Variants in SPATA16 observed in about 807,000 individuals in gnomAD.
SPATA16 encodes spermatogenesis associated 16.
SPATA16 carries 36 observed loss-of-function variants against 63.3 expected under a neutral mutation model. The observed-to-expected ratio is 0.57, with a 90% CI of 0.44 to 0.75. The LOEUF is 0.75. Ranked by LOEUF, SPATA16 falls within the 30% of genes least tolerant of loss-of-function variation. The probability of loss-of-function intolerance (pLI) is 0.00; values close to 1 mark genes in which losing one functional copy is unlikely to be tolerated. For missense variants in SPATA16, 646 were observed against 679.3 expected (o/e 0.95, Z 0.54); for synonymous variants, 203 against 216.7 (o/e 0.94, Z 0.56).
At chr3:173,079,147 T>C (rs1736872770) in intron 2 of SPATA16, among the ~76,000 whole-genome samples, 1 of 152,110 alleles carries the variant, frequency 6.6e-6, no homozygotes, top group Admixed American at 6.5e-5. Flanking sequence ...GTGTGAAATA[T>C]GTTATTGTCC....
intron 1 of SPATA16, among the ~76,000 whole-genome samples, chr3:173,124,902 T>C (rs1577187937): frequency 6.6e-6 from 1 of 152,088 alleles, no homozygotes; most frequent in Non-Finnish European, 1.5e-5. Context: ...TTTTGTCCAG[T>C]TCTATGGCTT....
At chr3:172,901,445 C>T (rs944026877) in intron 10 of SPATA16, among the ~76,000 whole-genome samples, 1 of 152,226 alleles carries the variant, frequency 6.6e-6, no homozygotes, top group African/African-American at 2.4e-5. Context: ...AGTGATCCAC[C>T]TGCCTTGGCC....
intron 2 of SPATA16, among the ~76,000 whole-genome samples, chr3:173,094,398 G>A (rs890093639): frequency 1.3e-5 from 2 of 152,182 alleles, no homozygotes; most frequent in African/African-American, 4.8e-5. Flanking sequence ...TGAGCCAAAT[G>A]TGAATTTCAA....
intron 5 of SPATA16, among the ~76,000 whole-genome samples, chr3:172,958,728 T>C (rs1733665042): frequency 6.6e-6 from 1 of 152,178 alleles, no homozygotes; most frequent in Non-Finnish European, 1.5e-5. Flanking sequence ...CTACTTGGCT[T>C]GTAGATGGCT....
At chr3:172,969,937 G>C (rs544367779) in intron 5 of SPATA16, among the ~76,000 whole-genome samples, 2 of 152,182 alleles carry the variant, frequency 1.3e-5, no homozygotes, top group Non-Finnish European at 2.9e-5. Context: ...ATTGGACAAA[G>C]GAGAGCGAAA....
chr3:173,115,366 A>C (rs906577818), intron 2 of SPATA16, among the ~76,000 whole-genome samples: 19 of 152,214 alleles, frequency 1.2e-4, no homozygotes, highest in Non-Finnish European at 2.4e-4. Context: ...CCCTCCCTGC[A>C]CCAGGAAAAT....
chr3:173,107,455 A>ATTT (rs35351688), intron 2 of SPATA16, among the ~76,000 whole-genome samples: 6 of 143,374 alleles, frequency 4.2e-5, no homozygotes, highest in African/African-American at 1.5e-4. Context: ...CTCTCTCTCT[A>ATTT]TTTTTTTTTT....
chr3:172,891,560 C>G (rs1375122283), intron 10 of SPATA16, among the ~76,000 whole-genome samples: 7 of 152,192 alleles, frequency 4.6e-5, no homozygotes, highest in Admixed American at 6.5e-5. Context: ...TCTGATCTCA[C>G]ATCTTTCCCT....
chr3:173,024,098 G>C (rs1015461885), intron 3 of SPATA16, among the ~76,000 whole-genome samples: 2 of 150,776 alleles, frequency 1.3e-5, no homozygotes, highest in African/African-American at 4.9e-5. Context: ...TGCACAATAG[G>C]TATGGGATTT....
intron 3 of SPATA16, among the ~76,000 whole-genome samples, chr3:173,046,376 G>A (rs947956733): frequency 6.6e-6 from 1 of 151,944 alleles, no homozygotes; most frequent in East Asian, 1.9e-4. Flanking sequence ...AGTTTAAATG[G>A]CAGTGCTTAG....
intron 2 of SPATA16, among the ~76,000 whole-genome samples, chr3:173,074,717 G>C (rs1577161325): frequency 6.6e-6 from 1 of 152,098 alleles, no homozygotes; most frequent in East Asian, 1.9e-4. Flanking sequence ...ACTGATAGAT[G>C]GGGGAAGGAG....
At chr3:172,955,497 A>T (rs1733547459) in intron 6 of SPATA16, among the ~76,000 whole-genome samples, 1 of 152,154 alleles carries the variant, frequency 6.6e-6, no homozygotes, top group Admixed American at 6.5e-5. Context: ...TGCTCAAACT[A>T]AGTAAATCAG....
At chr3:173,047,705 T>C (rs551426013) in intron 3 of SPATA16, among the ~76,000 whole-genome samples, 1 of 152,202 alleles carries the variant, frequency 6.6e-6, no homozygotes, top group Admixed American at 6.6e-5. Context: ...TTCTTTCAAA[T>C]GGAAATAGAA....
intron 8 of SPATA16, 66 bp downstream of exon 8, chr3:172,924,142 C>G: frequency 7.7e-7 from 1 of 1,303,546 alleles, no homozygotes; most frequent in South Asian, 1.2e-5. Flanking sequence ...CCATGTAAGC[C>G]TTATATACTT....
intron 2 of SPATA16, among the ~76,000 whole-genome samples, chr3:173,094,495 A>G (rs898945952): frequency 6.6e-6 from 1 of 152,158 alleles, no homozygotes; most frequent in Non-Finnish European, 1.5e-5. Flanking sequence ...ACAAGGAGAG[A>G]TTTCCCTAGG....
At chr3:172,972,636 T>C (rs1477008073) in intron 5 of SPATA16, among the ~76,000 whole-genome samples, 1 of 152,134 alleles carries the variant, frequency 6.6e-6, no homozygotes, top group East Asian at 1.9e-4. Flanking sequence ...TGATTGAAAA[T>C]GCTGAAGTTA....
At chr3:172,991,766 T>C (rs1734582915) in intron 4 of SPATA16, among the ~76,000 whole-genome samples, 1 of 152,062 alleles carries the variant, frequency 6.6e-6, no homozygotes, top group African/African-American at 2.4e-5. Context: ...CACAGTTCCT[T>C]AGGTAAAAAG....
In SPATA16 at chr3:172,889,589, T is replaced by C. The variant is rs952207260; in HGVS notation, c.1691A>G (p.Gln564Arg). Residue 564 changes from glutamine to arginine, a missense_variant, in exon 11 of 11, where the codon CAA (glutamine) becomes CGA (arginine). Physicochemically the swap from Gln to Arg is conservative, Grantham distance 43. Transcript: ENST00000351008. ...TAATGACTACCTTTGCTGAACAGTT[T>C]GAAGTCGCTTCATTTTTGTTTTTTG... ...RRQKTKMKRL[Q>R]TVQQR 22 of 1,613,840 alleles carry C rather than the reference T, an allele frequency of 1.4e-5. No homozygotes were observed. The Admixed American group carries it at 1.7e-4, about 12-fold the overall frequency.
chr3:173,095,785 A>G (rs1737336714), intron 2 of SPATA16, among the ~76,000 whole-genome samples: 1 of 152,206 alleles, frequency 6.6e-6, no homozygotes, highest in African/African-American at 2.4e-5. Flanking sequence ...TTCACCCGGA[A>G]TTAATAGAAC....
Sources: gnomAD v4.1 joint callset for allele counts (sites outside exome capture counted in the v4.1 genomes callset) on GRCh38, gnomAD v4.1.1 for gene constraint, MANE v1.5 for transcripts, NCBI Gene and HGNC (gene_info 2026-07-23, HGNC 2026-07-21) for gene names.